Variants in ZNF680 observed in about 807,000 individuals in gnomAD.
ZNF680 encodes hypothetical protein FLJ90430.
In ZNF680, 6 loss-of-function variants were observed where a neutral mutation model predicts 12.1. The ratio of observed to expected loss-of-function variants is 0.49; its 90% CI spans 0.27 to 0.98. ZNF680 has a LOEUF of 0.98. Ranked by LOEUF, ZNF680 falls within the 50% of genes least tolerant of loss-of-function variation. ZNF680 has a pLI of 0.12. For synonymous variants in ZNF680, 170 were observed against 199.3 expected, an observed-to-expected ratio of 0.85 and a Z score of 1.24; for missense variants, 561 against 616.3, an observed-to-expected ratio of 0.91 and a Z score of 0.95.
chr7:64,513,582 C>T, the ZNF680 span, among the ~76,000 whole-genome samples: 1 of 151,946 alleles, frequency 6.6e-6, no homozygotes, highest in Non-Finnish European at 1.5e-5. Flanking sequence ...TATAAGGTTT[C>T]ATTAAAATTG....
rs200167008 is a variant in ZNF680, at chr7:64,522,190, G to T, written c.564C>A (p.Gly188=). 5.6e-6 allele frequency: 9 copies of T among 1,612,464 alleles called. No individual in the cohort carries two copies. The African/African-American group carries it at 1.2e-4, about 22-fold the overall frequency. Residue 188 remains glycine (G), a synonymous_variant, in exon 4 of 4, where the codon GGC becomes GGA. Coordinates refer to ENST00000309683, the MANE Select transcript of ZNF680 (RefSeq NM_178558.5). ...GATGTGAAAGCATGCAAAATGATTTGCCACATTCTTTACATTTGAAAACCT... is the reference window on the plus strand; with the variant it reads ...GATGTGAAAGCATGCAAAATGATTTTCCACATTCTTTACATTTGAAAACCT... ...GKKVFKCKEC[G]KSFCMLSHLT...
the ZNF680 span, among the ~76,000 whole-genome samples, chr7:64,512,585 A>G: frequency 6.6e-6 from 1 of 152,166 alleles, no homozygotes; most frequent in African/African-American, 2.4e-5. Flanking sequence ...AAACTTCTTA[A>G]AAACAAGAAC....
At chr7:64,553,876 C>T (rs902307009) in intron 1 of ZNF680, among the ~76,000 whole-genome samples, 6 of 152,204 alleles carry the variant, frequency 3.9e-5, no homozygotes, top group African/African-American at 1.2e-4. Flanking sequence ...CGGAGTCTCG[C>T]TCACTCAGTG....
At chr7:64,503,081 T>C in the ZNF680 span, among the ~76,000 whole-genome samples, 1 of 152,204 alleles carries the variant, frequency 6.6e-6, no homozygotes, top group Non-Finnish European at 1.5e-5. Context: ...TTGAATGTTA[T>C]ATAATACAGC....
the ZNF680 span, among the ~76,000 whole-genome samples, chr7:64,499,714 G>A: frequency 6.6e-5 from 10 of 152,126 alleles, no homozygotes; most frequent in South Asian, 4.1e-4. Flanking sequence ...ATTGCACTCC[G>A]GCCTGGGTGA....
chr7:64,525,978 C>A (rs1215397398), intron 3 of ZNF680: 5 of 984,952 alleles, frequency 5.1e-6, no homozygotes, highest in Non-Finnish European at 6.0e-6. Flanking sequence ...TGACTTTGTT[C>A]CACACTGTCT....
the ZNF680 span, among the ~76,000 whole-genome samples, chr7:64,508,735 C>T: frequency 2.9e-4 from 44 of 151,108 alleles, no homozygotes; most frequent in Middle Eastern, 3.4e-3. Flanking sequence ...TATCTAAAGG[C>T]CTTTGGACTA....
chr7:64,519,361 C>T (rs141576864), downstream of ZNF680, among the ~76,000 whole-genome samples: 31 of 151,704 alleles, frequency 2.0e-4, no homozygotes, highest in African/African-American at 7.5e-4. Flanking sequence ...GGATGTGGTG[C>T]AAAGGGAACA....
At chr7:64,517,556 C>T (rs1439592513), downstream of ZNF680, among the ~76,000 whole-genome samples, 1 of 151,926 alleles carries the variant, frequency 6.6e-6, no homozygotes, top group East Asian at 1.9e-4. Context: ...GACACTATTC[C>T]ACACGACACG....
At chr7:64,503,507 A>C in the ZNF680 span, among the ~76,000 whole-genome samples, 7 of 150,128 alleles carry the variant, frequency 4.7e-5, no homozygotes, top group East Asian at 4.0e-4. Context: ...CAGCCTCCTG[A>C]GTAGCTGAGA....
intron 3 of ZNF680, among the ~76,000 whole-genome samples, chr7:64,523,188 AAGT>A (rs1791636415): frequency 2.0e-5 from 3 of 152,258 alleles, no homozygotes; most frequent in Admixed American, 2.0e-4. Flanking sequence ...AAGTCATAGA[AAGT>A]ATTATAAATG....
chr7:64,553,686 C>A (rs1787207626), intron 1 of ZNF680, among the ~76,000 whole-genome samples: 1 of 152,222 alleles, frequency 6.6e-6, no homozygotes, highest in Non-Finnish European at 1.5e-5. Flanking sequence ...AACCTCCCTG[C>A]CTGATTCTCC....
intron 3 of ZNF680, among the ~76,000 whole-genome samples, chr7:64,529,186 T>G (rs1187278863): frequency 6.6e-6 from 1 of 152,198 alleles, no homozygotes; most frequent in Non-Finnish European, 1.5e-5. Context: ...AGACCTTCCT[T>G]CTGACAGAGC....
At chr7:64,526,259 G>C in intron 3 of ZNF680, 1 of 1,128,656 alleles carries the variant, frequency 8.9e-7, no homozygotes, top group Non-Finnish European at 1.1e-6. Context: ...CCCAAATTTT[G>C]ATGCAGTAAT....
intron 3 of ZNF680, among the ~76,000 whole-genome samples, chr7:64,532,467 C>T (rs995042066): frequency 4.6e-5 from 7 of 152,044 alleles, no homozygotes; most frequent in African/African-American, 1.7e-4. Flanking sequence ...TGAATAAATT[C>T]CTGTAAAAAT....
chr7:64,512,660 G>A, the ZNF680 span, among the ~76,000 whole-genome samples: 1 of 151,872 alleles, frequency 6.6e-6, no homozygotes, highest in African/African-American at 2.4e-5. Flanking sequence ...TCCTAGCCCT[G>A]TAAATAAAAA....
rs755099527 is a variant in ZNF680, at chr7:64,522,002, G to A, written c.752C>T (p.Ser251Leu). ...EECGKAFNQS[S>L]TLIKHKKIHI... ...AATTTTCTTATGTTTAATAAGGGTT[G>A]AGGATTGGTTAAAGGCTTTGCCACA... is the stretch of plus-strand genomic sequence containing the variant. The change falls in exon 4 of 4, where the codon TCA (serine) becomes TTA (leucine). Residue 251 changes from serine to leucine, a missense_variant. Physicochemically the swap from Ser to Leu is moderately radical, Grantham distance 145. Transcript: ENST00000309683. The A allele has an allele frequency of 6.2e-7, 1 of 1,612,984 alleles. No homozygotes were observed. The highest frequency in any genetic ancestry group is 8.5e-7 in the Non-Finnish European group (1 of 1,179,564).
intron 1 of ZNF680, among the ~76,000 whole-genome samples, chr7:64,552,219 A>G (rs1787118118): frequency 2.0e-5 from 3 of 152,226 alleles, no homozygotes; most frequent in Admixed American, 6.5e-5. Flanking sequence ...ATATCCAGCT[A>G]ATTTTTGTAT....
At chr7:64,533,256 T>C (rs1455538294) in intron 3 of ZNF680, among the ~76,000 whole-genome samples, 1 of 152,136 alleles carries the variant, frequency 6.6e-6, no homozygotes, top group Admixed American at 6.6e-5. Flanking sequence ...TGATCTTTTA[T>C]CTTGAAAACC....
Sources: allele counts gnomAD v4.1 joint callset (sites outside exome capture counted in the v4.1 genomes callset), GRCh38; gene constraint gnomAD v4.1.1; transcripts MANE v1.5; gene names NCBI Gene and HGNC (gene_info 2026-07-23, HGNC 2026-07-21).